Variants in ADGRG7 observed in about 807,000 individuals in gnomAD.
The protein encoded by ADGRG7 is adhesion G protein-coupled receptor G7.
In ADGRG7, 82 loss-of-function variants were observed where a neutral mutation model predicts 88.6. The ratio of observed to expected loss-of-function variants is 0.93; its 90% CI spans 0.77 to 1.11. ADGRG7 has a LOEUF of 1.11. Among genes scored for constraint, ADGRG7 ranks in the 50% most tolerant of loss-of-function variants. The probability of loss-of-function intolerance (pLI) is 0.00; values close to 1 mark genes in which losing one functional copy is unlikely to be tolerated. For missense variants in ADGRG7, 945 were observed against 953.4 expected (o/e 0.99, Z 0.12); for synonymous variants, 381 against 345.2 (o/e 1.10, Z -1.15).
At chr3:100,652,222 C>A (rs2094930480) in intron 11 of ADGRG7, among the ~76,000 whole-genome samples, 1 of 152,000 alleles carries the variant, frequency 6.6e-6, no homozygotes, top group Non-Finnish European at 1.5e-5. Flanking sequence ...CCAGAAATCT[C>A]AACTAAAATG....
At chr3:100,619,119 G>A (rs928523911) in intron 1 of ADGRG7, among the ~76,000 whole-genome samples, 5 of 152,032 alleles carry the variant, frequency 3.3e-5, no homozygotes, top group South Asian at 2.1e-4. Flanking sequence ...ATTTTGGGCC[G>A]AGACTATGGG....
chr3:100,679,497 G>A (rs1437355154), intron 15 of ADGRG7, among the ~76,000 whole-genome samples: 4 of 152,184 alleles, frequency 2.6e-5, no homozygotes, highest in East Asian at 3.9e-4. Context: ...TGTGTGAGTA[G>A]CTGTTAAATT....
At position 100,635,374 on chromosome 3, in the gene ADGRG7, C is replaced by T. The variant is rs537433033; in HGVS notation, c.448-303C>T. Among the ~76,000 whole-genome samples the T allele has an allele frequency of 7.9e-5, 12 of 152,292 alleles. No homozygotes were observed. In the East Asian group the frequency reaches 1.4e-3, roughly 17 times the overall value. ...TTCAGTTTCTGTGCTTATCTCTCTA[C>T]GACCTTTGTAACACACAGTGAACCA... On this transcript the variant is annotated intron_variant, in intron 4 of 15. Transcript: ENST00000273352.
At chr3:100,689,297 A>G (rs1218468859) in intron 15 of ADGRG7, among the ~76,000 whole-genome samples, 4 of 152,138 alleles carry the variant, frequency 2.6e-5, no homozygotes, top group Non-Finnish European at 4.4e-5. Flanking sequence ...TGTTTCCTGA[A>G]TACAGCACAC....
intron 3 of ADGRG7, among the ~76,000 whole-genome samples, chr3:100,631,804 A>G (rs1707461745): frequency 6.6e-6 from 1 of 152,172 alleles, no homozygotes; most frequent in South Asian, 2.1e-4. Flanking sequence ...GAAATTATGC[A>G]TATCCGTATT....
rs537290088 is a variant in ADGRG7 at position 100,659,700 on chromosome 3, A to T, written c.1836A>T (p.Ala612=). ...DYRQEKICWL[A]IPEPNGVIKS... ...TTTTCCTCCACAGCTGCTGGCTGGC[A>T]ATTCCAGAACCCAATGGTGTTATAA... is the stretch of plus-strand genomic sequence containing the variant. Residue 612 remains alanine (A), a synonymous_variant, in exon 14 of 16, where the codon GCA becomes GCT. Transcript: ENST00000273352. The T allele has an allele frequency of 1.2e-6, 2 of 1,613,330 alleles. No homozygotes were observed. The highest frequency in any genetic ancestry group is 3.3e-5 in the Admixed American group (2 of 59,848).
intron 6 of ADGRG7, among the ~76,000 whole-genome samples, chr3:100,639,728 T>G (rs1329488842): frequency 1.3e-5 from 2 of 152,140 alleles, no homozygotes; most frequent in Non-Finnish European, 2.9e-5. Flanking sequence ...AAAAGAGAAG[T>G]TGTGGGATTT....
At chr3:100,628,575 C>T (rs752605374) in intron 1 of ADGRG7, among the ~76,000 whole-genome samples, 24 of 152,036 alleles carry the variant, frequency 1.6e-4, no homozygotes, top group Non-Finnish European at 2.9e-4. Context: ...AGGCTGGTCT[C>T]GAACTCCTGA....
chr3:100,646,041 T>A lies in ADGRG7; in HGVS notation c.1043T>A (p.Ile348Asn), dbSNP rs1707738317. ...TAKSDFSQKIISSKTDENEQD... is the reference protein window; with the variant it reads ...TAKSDFSQKINSSKTDENEQD... ...AAATCGGATTTTAGTCAAAAAATTA[T>A]CTCAAGCAAAACTGATGAAAATGAG... is the stretch of plus-strand genomic sequence containing the variant. The change falls in exon 9 of 16, where the codon ATC becomes AAC. Residue 348 changes from isoleucine (I) to asparagine (N), a missense_variant. Physicochemically the swap from Ile to Asn is moderately radical, Grantham distance 149. Coordinates refer to ENST00000273352, the MANE Select transcript of ADGRG7 (RefSeq NM_032787.3). 2 of 1,613,970 alleles carry A rather than the reference T, an allele frequency of 1.2e-6. No individual in the cohort carries two copies. Among genetic ancestry groups the A allele is most frequent in the African/African-American group, 2.7e-5 (2 of 74,918 alleles).
chr3:100,646,187 G>A (rs1442217702), intron 9 of ADGRG7, 79 bp downstream of exon 9: 3 of 510,052 alleles, frequency 5.9e-6, no homozygotes, highest in African/African-American at 5.2e-5. Context: ...ACTGAGTAGA[G>A]TAATACAGGG....
intron 15 of ADGRG7, among the ~76,000 whole-genome samples, chr3:100,678,560 G>C (rs1355127172): frequency 6.6e-6 from 1 of 152,094 alleles, no homozygotes; most frequent in Non-Finnish European, 1.5e-5. Flanking sequence ...TACTGTCTAG[G>C]CTTGTTTGTA....
At chr3:100,640,978 T>C (rs919491438) in intron 6 of ADGRG7, among the ~76,000 whole-genome samples, 2 of 152,178 alleles carry the variant, frequency 1.3e-5, no homozygotes, top group African/African-American at 2.4e-5. Context: ...TTCGCTTTTC[T>C]TTTTTTATTT....
intron 15 of ADGRG7, among the ~76,000 whole-genome samples, chr3:100,691,677 C>A (rs1487338412): frequency 1.1e-5 from 1 of 92,682 alleles, no homozygotes; most frequent in African/African-American, 3.4e-5. Flanking sequence ...GACATTGATA[C>A]AATCTACATA....
chr3:100,693,245 C>T (rs1033012467), intron 15 of ADGRG7, among the ~76,000 whole-genome samples: 1 of 152,104 alleles, frequency 6.6e-6, no homozygotes, highest in Non-Finnish European at 1.5e-5. Flanking sequence ...AATTTAAATT[C>T]TGGAAAAATC....
At chr3:100,687,455 A>C (rs1287954107) in intron 15 of ADGRG7, among the ~76,000 whole-genome samples, 1 of 152,144 alleles carries the variant, frequency 6.6e-6, no homozygotes, top group Non-Finnish European at 1.5e-5. Flanking sequence ...GTCTTGTGCC[A>C]GTTTTCAAAG....
chr3:100,679,383 C>T (rs116576507), intron 15 of ADGRG7, among the ~76,000 whole-genome samples: 1 of 152,332 alleles, frequency 6.6e-6, no homozygotes, highest in African/African-American at 2.4e-5. Flanking sequence ...GTCCAGTAAT[C>T]CTGTCCAGGA....
At chr3:100,675,734 C>G (rs1322009012) in intron 15 of ADGRG7, among the ~76,000 whole-genome samples, 1 of 152,050 alleles carries the variant, frequency 6.6e-6, no homozygotes, top group Non-Finnish European at 1.5e-5. Flanking sequence ...AACCACAGTT[C>G]CTGGGCTTTT....
At chr3:100,622,460 A>G (rs77604998) in intron 1 of ADGRG7, among the ~76,000 whole-genome samples, 2,496 of 152,168 alleles carry the variant, frequency 0.016, 71 homozygotes, top group African/African-American at 0.057. Flanking sequence ...ATGTGAAATG[A>G]TATTTAACTG....
Position 100,639,032 on chromosome 3 carries a change from GTGTGTGTGTGTGTGTGTGTGTGTGTA to G in ADGRG7, c.698+1634_698+1659del, listed in dbSNP as rs1429003778. Reference sequence around the variant, plus strand: ...TTTCTGTGTGTGTGTGTGTGTGTGTGTGTGTGTGTGTGTGTGTGTGTGTGTATGTATATGTATATTACATACTATAT... The same window carrying G: ...TTTCTGTGTGTGTGTGTGTGTGTGTGTGTATATGTATATTACATACTATAT... On this transcript the variant is annotated intron_variant, in intron 6 of 15. Transcript: ENST00000273352. Among the ~76,000 whole-genome samples the G allele has an allele frequency of 4.2e-3, 576 of 137,732 alleles. 6 individuals are homozygous for G. Among genetic ancestry groups the G allele is most frequent in the Non-Finnish European group, 5.1e-3 (321 of 62,816 alleles). 90.4% of individuals were successfully genotyped at this position (137,732 alleles called of 152,430 possible).
Sources: gnomAD v4.1 joint callset for allele counts (sites outside exome capture counted in the v4.1 genomes callset) on GRCh38, gnomAD v4.1.1 for gene constraint, MANE v1.5 for transcripts, NCBI Gene and HGNC (gene_info 2026-07-23, HGNC 2026-07-21) for gene names.